FOXB2: variants seen among roughly 807,000 people sequenced by gnomAD.
The protein encoded by FOXB2 is forkhead box protein B2.
FOXB2 carries 1 observed loss-of-function variant against 0.9 expected under a neutral mutation model. The observed-to-expected ratio is 1.09, with a 90% CI of 0.39 to 5.18. The LOEUF (loss-of-function observed/expected upper bound fraction) is 5.18, where lower values mean the gene tolerates loss of function less well. Ranked by LOEUF, FOXB2 falls within the 30% of genes most tolerant of loss-of-function variation. The probability of loss-of-function intolerance (pLI) is 0.16; values close to 1 mark genes in which losing one functional copy is unlikely to be tolerated. For synonymous variants in FOXB2, 322 were observed against 293.5 expected (o/e 1.10, Z -0.99); for missense variants, 670 against 626.6 (o/e 1.07, Z -0.74).
Position 77,020,851 on chromosome 9 carries a change from C to A in FOXB2, c.1197C>A (p.Ser399=). 1 of 1,547,334 alleles carries A rather than the reference C, an allele frequency of 6.5e-7. No homozygotes were observed. Among genetic ancestry groups the A allele is most frequent in the East Asian group, 2.4e-5 (1 of 41,734 alleles). Residue 399 remains serine, a synonymous_variant, in exon 1 of 1, where the codon TCC becomes TCA. Transcript: ENST00000376708. This position sits in a 1 kb window ranked among gnomAD's most constrained non-coding sequence, Gnocchi z 4.9. ...CTCCGGCGCCATCCACCGTGTGCTC[C>A]GCGGCCGCGGCCTCGCCCGTTGCCT... ...QQPPAPSTVC[S]AAAASPVASL...
Position 77,020,725 on chromosome 9 carries a change from G to GAGCC in FOXB2, c.1072_1075dup (p.Leu359GlnfsTer?), listed in dbSNP as rs780114373. On this transcript the variant is annotated frameshift_variant, in exon 1 of 1. Coordinates refer to ENST00000376708, the MANE Select transcript of FOXB2 (RefSeq NM_001013735.1). LOFTEE classifies it low-confidence loss of function (END_TRUNC). This position sits in a 1 kb window ranked among gnomAD's most constrained non-coding sequence, Gnocchi z 4.9. ...AGTCCCTGTGCCACTCGGCAAGCCA[G>GAGCC]AGCCTGCCTGCCATGCCGGTGCCCA... 1 of 1,596,810 alleles carries GAGCC rather than the reference G, an allele frequency of 6.3e-7. No homozygotes were observed. Among genetic ancestry groups the GAGCC allele is most frequent in the Non-Finnish European group, 8.5e-7 (1 of 1,174,196 alleles).
Position 77,020,394 on chromosome 9 carries a change from A to T in FOXB2, c.740A>T (p.Tyr247Phe). The change falls in exon 1 of 1, where the codon TAC (tyrosine) becomes TTC (phenylalanine). Residue 247 changes from tyrosine (Y) to phenylalanine (F), a missense_variant. Transcript: ENST00000376708. This position sits in a 1 kb window ranked among gnomAD's most constrained non-coding sequence, Gnocchi z 4.9. ...GGACGCCTGTCTCAGTTCCCACCCT[A>T]CGGGCTGGGCTCGGCCGCCGCCGCT... is the stretch of plus-strand genomic sequence containing the variant. Reference protein sequence around the residue: ...SVGRLSQFPPYGLGSAAAAAA... With the variant: ...SVGRLSQFPPFGLGSAAAAAA... 1 of 1,545,626 alleles carries T rather than the reference A, an allele frequency of 6.5e-7. No homozygotes were observed. Among genetic ancestry groups the T allele is most frequent in the Non-Finnish European group, 8.7e-7 (1 of 1,150,276 alleles).
Position 77,020,035 on chromosome 9 carries a change from G to A in FOXB2, c.381G>A (p.Ala127=), listed in dbSNP as rs769640789. ...TGCACGCGGGAAGCACCAAGAGCGC[G>A]CCGGGCGCCGGTCCGGGAGGGCACC... ...THLHAGSTKS[A]PGAGPGGHLH... Residue 127 remains alanine, a synonymous_variant, in exon 1 of 1, where the codon GCG becomes GCA. Transcript: ENST00000376708. The surrounding 1 kb of genome is among the most constrained non-coding windows in gnomAD (Gnocchi z 4.9). The A allele has an allele frequency of 6.2e-7, 1 of 1,608,020 alleles. No individual in the cohort carries two copies.
chr9:77,019,773 A>G lies in FOXB2; in HGVS notation c.119A>G (p.Tyr40Cys), dbSNP rs1186618493. The change falls in exon 1 of 1, where the codon TAC (tyrosine) becomes TGC (cysteine). Residue 40 changes from tyrosine to cysteine, a missense_variant. Coordinates refer to ENST00000376708, the MANE Select transcript of FOXB2 (RefSeq NM_001013735.1). This position sits in a 1 kb window ranked among gnomAD's most constrained non-coding sequence, Gnocchi z 4.4. ...AEKMLPLSDI[Y>C]KFIMERFPYY... Reference sequence around the variant, plus strand: ...AAGATGCTGCCGCTGAGCGACATCTACAAGTTCATCATGGAGCGCTTCCCC... The same window carrying G: ...AAGATGCTGCCGCTGAGCGACATCTGCAAGTTCATCATGGAGCGCTTCCCC... 1.2e-6 allele frequency: 2 copies of G among 1,614,110 alleles called. No homozygotes were observed. Among genetic ancestry groups the G allele is most frequent in the South Asian group, 1.1e-5 (1 of 91,082 alleles).
At position 77,020,941 on chromosome 9, in the gene FOXB2, A is replaced by G; in HGVS notation, c.1287A>G (p.Leu429=). 2 of 1,573,728 alleles carry G rather than the reference A, an allele frequency of 1.3e-6. No individual in the cohort carries two copies. The highest frequency in any genetic ancestry group is 1.7e-6 in the Non-Finnish European group (2 of 1,168,334). Residue 429 remains leucine (L), a synonymous_variant, in exon 1 of 1, where the codon CTA becomes CTG. Coordinates refer to ENST00000376708, the MANE Select transcript of FOXB2 (RefSeq NM_001013735.1). This position sits in a 1 kb window ranked among gnomAD's most constrained non-coding sequence, Gnocchi z 4.9. ...ESKGGSLHSV[L]VHS is the part of the protein sequence containing the mutation. Reference sequence around the variant, plus strand: ...AGGGCGGCTCCTTGCACTCGGTGCTAGTGCACTCCTAGGGGACCCGGCGGG... The same window carrying G: ...AGGGCGGCTCCTTGCACTCGGTGCTGGTGCACTCCTAGGGGACCCGGCGGG...
chr9:77,020,037 C>A lies in FOXB2; in HGVS notation c.383C>A (p.Pro128Gln), dbSNP rs773098790. ...CACGCGGGAAGCACCAAGAGCGCGC[C>A]GGGCGCCGGTCCGGGAGGGCACCTT... ...HLHAGSTKSA[P>Q]GAGPGGHLHP... is the part of the protein sequence containing the mutation. The change falls in exon 1 of 1, where the codon CCG becomes CAG. Residue 128 changes from proline (P) to glutamine (Q), a missense_variant. Physicochemically the swap from Pro to Gln is moderately conservative, Grantham distance 76 (BLOSUM62 -1). Transcript: ENST00000376708. The surrounding 1 kb of genome is among the most constrained non-coding windows in gnomAD (Gnocchi z 4.9). 6.2e-7 allele frequency: 1 copy of A among 1,608,010 alleles called. No individual in the cohort carries two copies. Among genetic ancestry groups the A allele is most frequent in the Admixed American group, 1.7e-5 (1 of 59,794 alleles).
Position 77,019,665 on chromosome 9 carries a change from C to A in FOXB2, c.11C>A (p.Pro4Gln). 1 of 1,576,294 alleles carries A rather than the reference C, an allele frequency of 6.3e-7. No homozygotes were observed. The highest frequency in any genetic ancestry group is 1.4e-5 in the African/African-American group (1 of 74,006). MPRPGKSSYSDQKP... is the reference protein window; with the variant it reads MPRQGKSSYSDQKP... ...GAGGAGCCGGGGGCGATGCCGCGGC[C>A]GGGGAAGAGCTCGTACAGCGACCAA... Residue 4 changes from proline (P) to glutamine (Q), a missense_variant, in exon 1 of 1, where the codon CCG (proline) becomes CAG (glutamine). Physicochemically the swap from Pro to Gln is moderately conservative, Grantham distance 76. Coordinates refer to ENST00000376708, the MANE Select transcript of FOXB2 (RefSeq NM_001013735.1). The surrounding 1 kb of genome is among the most constrained non-coding windows in gnomAD (Gnocchi z 4.4).
Position 77,019,983 on chromosome 9 carries a change from A to C in FOXB2, c.329A>C (p.Lys110Thr). 6.2e-7 allele frequency: 1 copy of C among 1,612,302 alleles called. No individual in the cohort carries two copies. Among genetic ancestry groups the C allele is most frequent in the Non-Finnish European group, 8.5e-7 (1 of 1,179,854 alleles). Reference protein sequence around the residue: ...GSFLRRRKRFKVLRADHTHLH... With the variant: ...GSFLRRRKRFTVLRADHTHLH... ...TTCCTGCGGCGTCGCAAGCGCTTCA[A>C]GGTGCTGCGCGCCGACCATACTCAC... is the stretch of plus-strand genomic sequence containing the variant. The change falls in exon 1 of 1, where the codon AAG becomes ACG. Residue 110 changes from lysine to threonine, a missense_variant. By Grantham distance (78) the Lys-to-Thr change is moderately conservative. Transcript: ENST00000376708. This position sits in a 1 kb window ranked among gnomAD's most constrained non-coding sequence, Gnocchi z 4.4.
Position 77,020,816 on chromosome 9 carries a change from T to C in FOXB2, c.1162T>C (p.Ser388Pro). Residue 388 changes from serine to proline, a missense_variant, in exon 1 of 1, where the codon TCG becomes CCG. Coordinates refer to ENST00000376708, the MANE Select transcript of FOXB2 (RefSeq NM_001013735.1). The surrounding 1 kb of genome is among the most constrained non-coding windows in gnomAD (Gnocchi z 4.9). ...GCCGGGGCTCACTGTCCCCGCGGCTTCGCAGCAGCCTCCGGCGCCATCCAC... is the reference window on the plus strand; with the variant it reads ...GCCGGGGCTCACTGTCCCCGCGGCTCCGCAGCAGCCTCCGGCGCCATCCAC... ...LQPGLTVPAA[S>P]QQPPAPSTVC... The C allele has an allele frequency of 1.3e-6, 2 of 1,555,150 alleles. No individual in the cohort carries two copies. The highest frequency in any genetic ancestry group is 1.7e-6 in the Non-Finnish European group (2 of 1,156,824).
Position 77,020,135 on chromosome 9 carries a change from C to A in FOXB2, c.481C>A (p.His161Asn), listed in dbSNP as rs1258120414. 1 of 1,437,672 alleles carries A rather than the reference C, an allele frequency of 7.0e-7. No homozygotes were observed. 89.1% of individuals were successfully genotyped at this position (1,437,672 alleles called of 1,614,324 possible). Reference protein sequence around the residue: ...HAAAHHHHHHHPPQPPPPPPP... With the variant: ...HAAAHHHHHHNPPQPPPPPPP... ...TGCCGCACACCACCACCATCACCAC[C>A]ACCCACCCCAGCCGCCGCCGCCGCC... is the stretch of plus-strand genomic sequence containing the variant. Residue 161 changes from histidine (H) to asparagine (N), a missense_variant, in exon 1 of 1, where the codon CAC becomes AAC. Coordinates refer to ENST00000376708, the MANE Select transcript of FOXB2 (RefSeq NM_001013735.1). The surrounding 1 kb of genome is among the most constrained non-coding windows in gnomAD (Gnocchi z 4.9).
chr9:77,019,771 C>T lies in FOXB2; in HGVS notation c.117C>T (p.Ile39=). 6.2e-7 allele frequency: 1 copy of T among 1,614,128 alleles called. No individual in the cohort carries two copies. The highest frequency in any genetic ancestry group is 2.2e-5 in the East Asian group (1 of 44,854). Residue 39 remains isoleucine (I), a synonymous_variant, in exon 1 of 1, where the codon ATC becomes ATT. Coordinates refer to ENST00000376708, the MANE Select transcript of FOXB2 (RefSeq NM_001013735.1). This position sits in a 1 kb window ranked among gnomAD's most constrained non-coding sequence, Gnocchi z 4.4. ...SAEKMLPLSD[I]YKFIMERFPY... is the part of the protein sequence containing the mutation. ...AGAAGATGCTGCCGCTGAGCGACAT[C>T]TACAAGTTCATCATGGAGCGCTTCC...
chr9:77,020,843 G>C lies in FOXB2; in HGVS notation c.1189G>C (p.Val397Leu), dbSNP rs769253305. Residue 397 changes from valine (V) to leucine (L), a missense_variant, in exon 1 of 1, where the codon GTG becomes CTG. Transcript: ENST00000376708. This position sits in a 1 kb window ranked among gnomAD's most constrained non-coding sequence, Gnocchi z 4.9. ...GCAGCAGCCTCCGGCGCCATCCACC[G>C]TGTGCTCCGCGGCCGCGGCCTCGCC... ...ASQQPPAPST[V>L]CSAAAASPVA... 10 of 1,548,638 alleles carry C rather than the reference G, an allele frequency of 6.5e-6. No homozygotes were observed. Among genetic ancestry groups the C allele is most frequent in the African/African-American group, 1.4e-5 (1 of 73,268 alleles).
rs948402014 is a variant in FOXB2 at position 77,020,170 on chromosome 9, G to T, written c.516G>T (p.Pro172=). The T allele has an allele frequency of 2.4e-6, 3 of 1,235,830 alleles. No individual in the cohort carries two copies. The African/African-American group carries it at 4.5e-5, about 19-fold the overall frequency. 76.6% of individuals were successfully genotyped at this position (1,235,830 alleles called of 1,614,324 possible). A position where few individuals can be genotyped will look rare whatever the true frequency, so the allele number is the denominator to read the frequency against. ...AGCCGCCGCCGCCGCCGCCCCCGCC[G>T]CCGCCGCACATGGTACACTATTTCC... The part of the protein sequence containing the change: ...PPQPPPPPPP[P]PPHMVHYFHQ... The change falls in exon 1 of 1, where the codon CCG becomes CCT. Residue 172 remains proline, a synonymous_variant. Coordinates refer to ENST00000376708, the MANE Select transcript of FOXB2 (RefSeq NM_001013735.1). The surrounding 1 kb of genome is among the most constrained non-coding windows in gnomAD (Gnocchi z 4.9).
rs1461013632 is a variant in FOXB2 at position 77,020,430 on chromosome 9, C to G, written c.776C>G (p.Ala259Gly). The stretch of plus-strand genomic sequence containing the variant: ...TCGGCCGCCGCCGCTGCCGCCGCGG[C>G]CGCGGCGTCCACGTCAGGCTTCAAG... ...LGSAAAAAAA[A>G]AASTSGFKHP... is the part of the protein sequence containing the mutation. Residue 259 changes from alanine (A) to glycine (G), a missense_variant, in exon 1 of 1, where the codon GCC becomes GGC. Physicochemically the swap from Ala to Gly is moderately conservative, Grantham distance 60. Transcript: ENST00000376708. The surrounding 1 kb of genome is among the most constrained non-coding windows in gnomAD (Gnocchi z 4.9). 1.9e-6 allele frequency: 3 copies of G among 1,589,252 alleles called. No individual in the cohort carries two copies. The highest frequency in any genetic ancestry group is 2.6e-6 in the Non-Finnish European group (3 of 1,170,214).
chr9:77,019,666 G>C lies in FOXB2; in HGVS notation c.12G>C (p.Pro4=). 1.3e-6 allele frequency: 2 copies of C among 1,578,234 alleles called. No individual in the cohort carries two copies. Among genetic ancestry groups the C allele is most frequent in the Non-Finnish European group, 1.7e-6 (2 of 1,162,568 alleles). Reference sequence around the variant, plus strand: ...AGGAGCCGGGGGCGATGCCGCGGCCGGGGAAGAGCTCGTACAGCGACCAAA... The same window carrying C: ...AGGAGCCGGGGGCGATGCCGCGGCCCGGGAAGAGCTCGTACAGCGACCAAA... MPR[P]GKSSYSDQKP... is the part of the protein sequence containing the mutation. Residue 4 remains proline, a synonymous_variant, in exon 1 of 1, where the codon CCG becomes CCC. Transcript: ENST00000376708. This position sits in a 1 kb window ranked among gnomAD's most constrained non-coding sequence, Gnocchi z 4.4.
Position 77,020,082 on chromosome 9 carries a change from A to G in FOXB2, c.428A>G (p.His143Arg). 1 of 1,085,580 alleles carries G rather than the reference A, an allele frequency of 9.2e-7. No homozygotes were observed. The highest frequency in any genetic ancestry group is 1.2e-6 in the Non-Finnish European group (1 of 818,988). The allele number at this position is 1,085,580 out of a possible 1,614,324, so 67.2% of individuals were successfully genotyped here. The change falls in exon 1 of 1, where the codon CAC becomes CGC. Residue 143 changes from histidine to arginine, a missense_variant. His to Arg is a conservative substitution (Grantham distance 29). Transcript: ENST00000376708. The surrounding 1 kb of genome is among the most constrained non-coding windows in gnomAD (Gnocchi z 4.9). ...CACCTTCACCCCCATCACCACCACCACCCCCACCACCACCATCATCACCAC... is the reference window on the plus strand; with the variant it reads ...CACCTTCACCCCCATCACCACCACCGCCCCCACCACCACCATCATCACCAC... ...GGHLHPHHHH[H>R]PHHHHHHHAA...
In FOXB2 at chr9:77,020,810, G is replaced by T; in HGVS notation, c.1156G>T (p.Ala386Ser). 2 of 1,557,932 alleles carry T rather than the reference G, an allele frequency of 1.3e-6. No individual in the cohort carries two copies. The highest frequency in any genetic ancestry group is 1.7e-6 in the Non-Finnish European group (2 of 1,158,056). Residue 386 changes from alanine (A) to serine (S), a missense_variant, in exon 1 of 1, where the codon GCG becomes TCG. Transcript: ENST00000376708. This position sits in a 1 kb window ranked among gnomAD's most constrained non-coding sequence, Gnocchi z 4.9. ...SALQPGLTVP[A>S]ASQQPPAPST... ...GCTGCAGCCGGGGCTCACTGTCCCC[G>T]CGGCTTCGCAGCAGCCTCCGGCGCC... is the stretch of plus-strand genomic sequence containing the variant.
chr9:77,020,065 C>T lies in FOXB2; in HGVS notation c.411C>T (p.His137=), dbSNP rs764601545. The T allele has an allele frequency of 5.1e-6, 8 of 1,576,826 alleles. No homozygotes were observed. The highest frequency in any genetic ancestry group is 4.0e-5 in the African/African-American group (3 of 74,126). ...GCGCCGGTCCGGGAGGGCACCTTCA[C>T]CCCCATCACCACCACCACCCCCACC... ...APGAGPGGHL[H]PHHHHHPHHH... is the part of the protein sequence containing the mutation. Residue 137 remains histidine (H), a synonymous_variant, in exon 1 of 1, where the codon CAC becomes CAT. Coordinates refer to ENST00000376708, the MANE Select transcript of FOXB2 (RefSeq NM_001013735.1). This position sits in a 1 kb window ranked among gnomAD's most constrained non-coding sequence, Gnocchi z 4.9.
chr9:77,019,751 A>T lies in FOXB2; in HGVS notation c.97A>T (p.Met33Leu), dbSNP rs2063907970. 1 of 1,614,118 alleles carries T rather than the reference A, an allele frequency of 6.2e-7. No homozygotes were observed. Among genetic ancestry groups the T allele is most frequent in the Non-Finnish European group, 8.5e-7 (1 of 1,180,010 alleles). ...AMAIQHSAEK[M>L]LPLSDIYKFI... ...GGCAATCCAGCACTCGGCCGAGAAG[A>T]TGCTGCCGCTGAGCGACATCTACAA... Residue 33 changes from methionine to leucine, a missense_variant, in exon 1 of 1, where the codon ATG becomes TTG. By Grantham distance (15) the Met-to-Leu change is conservative. Transcript: ENST00000376708. The surrounding 1 kb of genome is among the most constrained non-coding windows in gnomAD (Gnocchi z 4.4).
Sources: gnomAD v4.1 joint callset for allele counts on GRCh38, gnomAD v4.1.1 for gene constraint, Gnocchi (gnomAD v3.1) non-coding constraint, MANE v1.5 for transcripts, NCBI Gene and HGNC (gene_info 2026-07-23, HGNC 2026-07-21) for gene names.